SRFBP1: variants seen among roughly 807,000 people sequenced by gnomAD.
The protein encoded by SRFBP1 is serum response factor binding protein 1.
In SRFBP1, 47 loss-of-function variants were observed where a neutral mutation model predicts 45.5. That is an observed-to-expected ratio of 1.03 (90% CI 0.82 to 1.32). The LOEUF (loss-of-function observed/expected upper bound fraction) is 1.32. SRFBP1 is among the 40% of genes most tolerant of loss of function. The pLI is 0.00. For synonymous variants in SRFBP1, 203 were observed against 166.3 expected (o/e 1.22, Z -1.70); for missense variants, 621 against 484.6 (o/e 1.28, Z -2.64).
chr5:121,962,832 T>A (rs1334410657), intron 1 of SRFBP1, among the ~76,000 whole-genome samples: 1 of 152,170 alleles, frequency 6.6e-6, no homozygotes, highest in Non-Finnish European at 1.5e-5. Flanking sequence ...CACAGTTAGA[T>A]ACAGAAAGGA....
chr5:121,976,636 A>G (rs1334892966), intron 3 of SRFBP1, among the ~76,000 whole-genome samples: 4 of 151,528 alleles, frequency 2.6e-5, no homozygotes, highest in African/African-American at 9.7e-5. Context: ...TTTCTTCTGA[A>G]TAGTCATTTT....
At chr5:121,965,547 A>G (rs190405352) in intron 1 of SRFBP1, among the ~76,000 whole-genome samples, 47 of 152,206 alleles carry the variant, frequency 3.1e-4, no homozygotes, top group African/African-American at 1.1e-3. Flanking sequence ...CCATTGGTCT[A>G]TATATCTGTT....
intron 2 of SRFBP1, chr5:122,074,054 A>G: frequency 6.2e-7 from 1 of 1,614,090 alleles, no homozygotes; most frequent in Non-Finnish European, 8.5e-7. Context: ...TGGTAGCCAT[A>G]GTCACAGGAT....
intron 6 of SRFBP1, among the ~76,000 whole-genome samples, 154 bp from the exon 7 acceptor site, chr5:122,022,216 C>T (rs558595525): frequency 6.6e-6 from 1 of 152,210 alleles, no homozygotes; most frequent in South Asian, 2.1e-4. Context: ...ACAGCTACAA[C>T]CTGGGACTTT....
chr5:121,974,774 G>T (rs1461074732), intron 2 of SRFBP1, among the ~76,000 whole-genome samples: 1 of 151,772 alleles, frequency 6.6e-6, no homozygotes, highest in Admixed American at 6.6e-5. Context: ...TGTATTTTCA[G>T]TATCACTAGT....
chr5:121,988,728 G>T lies in SRFBP1; in HGVS notation c.199-5871G>T, dbSNP rs140429148. Among the ~76,000 whole-genome samples the T allele has an allele frequency of 2.0e-3, 312 of 152,304 alleles. 2 individuals carry two copies. The highest frequency in any genetic ancestry group is 0.01 in the Middle Eastern group (3 of 294). ...ATTGTTAACATAAACTCTCTGATCA[G>T]ATTGGTACCTTGTGGCCCACAGACT... On this transcript the variant is annotated intron_variant, in intron 3 of 7. Transcript: ENST00000339397.
intron 4 of SRFBP1, among the ~76,000 whole-genome samples, chr5:122,003,436 A>T (rs1252710055): frequency 6.6e-6 from 1 of 152,204 alleles, no homozygotes; most frequent in Non-Finnish European, 1.5e-5. Flanking sequence ...CGTTGAACAG[A>T]ATAGTGCTAA....
intron 2 of SRFBP1, among the ~76,000 whole-genome samples, chr5:122,049,901 T>C (rs951549365): frequency 2.0e-5 from 3 of 152,212 alleles, no homozygotes; most frequent in Admixed American, 6.5e-5. Context: ...TTTATAGCAC[T>C]AAATGCTCAC....
chr5:122,077,780 C>T (rs1257821615), downstream of SRFBP1: 3 of 1,548,436 alleles, frequency 1.9e-6, no homozygotes, highest in South Asian at 2.4e-5. This position sits in a 1 kb window ranked among gnomAD's most constrained non-coding sequence, Gnocchi z 4.9. Context: ...CGGGTCCCGG[C>T]GGCGCTGAGG....
At chr5:122,062,183 C>A (rs961778011) in intron 2 of SRFBP1, among the ~76,000 whole-genome samples, 1 of 151,886 alleles carries the variant, frequency 6.6e-6, no homozygotes, top group African/African-American at 2.4e-5. Context: ...TGGATTCTTT[C>A]TGAGTATCTT....
At chr5:121,987,242 T>C (rs1389377357) in intron 3 of SRFBP1, among the ~76,000 whole-genome samples, 3 of 152,046 alleles carry the variant, frequency 2.0e-5, no homozygotes, top group South Asian at 2.1e-4. Context: ...AACAGAAGCA[T>C]AGTGAAGGGA....
intron 2 of SRFBP1, among the ~76,000 whole-genome samples, chr5:122,047,052 T>C (rs932855281): frequency 6.6e-6 from 1 of 152,236 alleles, no homozygotes; most frequent in Non-Finnish European, 1.5e-5. Flanking sequence ...TTAGTTTAAT[T>C]AGATCCCATT....
At chr5:122,066,348 C>A in intron 2 of SRFBP1, 1 of 178,314 alleles carries the variant, frequency 5.6e-6, no homozygotes, top group Non-Finnish European at 1.2e-5. Flanking sequence ...TATTATGTTT[C>A]ACTAAAGTTC....
At chr5:122,045,378 C>T (rs908255931) in intron 2 of SRFBP1, among the ~76,000 whole-genome samples, 1 of 152,038 alleles carries the variant, frequency 6.6e-6, no homozygotes, top group Non-Finnish European at 1.5e-5. Flanking sequence ...ATAGATTTTT[C>T]TAATCCTGCC....
intron 2 of SRFBP1, among the ~76,000 whole-genome samples, chr5:122,034,458 T>G (rs1484922645): frequency 6.6e-6 from 1 of 152,142 alleles, no homozygotes; most frequent in Non-Finnish European, 1.5e-5. Context: ...CCCCCATTTT[T>G]TATTTAGAAT....
rs1442593790 is a variant in SRFBP1, at chr5:122,020,675, T to C, written c.940T>C (p.Phe314Leu). Residue 314 changes from phenylalanine (F) to leucine (L), a missense_variant, in exon 6 of 8, where the codon TTT (phenylalanine) becomes CTT (leucine). Phe to Leu is a conservative substitution (Grantham distance 22). Coordinates refer to ENST00000339397, the MANE Select transcript of SRFBP1 (RefSeq NM_152546.3). ...GGAACAAAAACCACTAGAAAAAGTG[T>C]TTCTTAAAGAAGATACAGGTGAAAC... ...VKEQKPLEKV[F>L]LKEDTGETHG... is the part of the protein sequence containing the mutation. 6.2e-7 allele frequency: 1 copy of C among 1,613,874 alleles called. No individual in the cohort carries two copies.
chr5:122,023,328 A>C lies in SRFBP1; in HGVS notation c.1105+921A>C, dbSNP rs1016152545. 5.3e-5 allele frequency among the ~76,000 whole-genome samples: 8 copies of C among 152,320 alleles called. 1 individual carries two copies. Among genetic ancestry groups the C allele is most frequent in the African/African-American group, 1.9e-4 (8 of 41,586 alleles). The stretch of plus-strand genomic sequence containing the variant: ...CCCAAGGCAGCCAACCCAAAGTCAC[A>C]TCCAGTCACTGCATCTAGCTCAAAG... On this transcript the variant is annotated intron_variant, in intron 7 of 7. Transcript: ENST00000339397.
chr5:122,046,483 T>A (rs1413479086), intron 2 of SRFBP1, among the ~76,000 whole-genome samples: 1 of 152,210 alleles, frequency 6.6e-6, no homozygotes, highest in Non-Finnish European at 1.5e-5. Context: ...TCTTTGCTAT[T>A]GTGAACAGTG....
In SRFBP1 at chr5:121,972,303, C is replaced by A. The variant is rs145354759; in HGVS notation, c.37-1893C>A. ...TGGGTCATGGAAGTACATTTGCATT[C>A]ATGGTAGTAGAAAAATGATGGTTCC... On this transcript the variant is annotated intron_variant, in intron 1 of 7. Coordinates refer to ENST00000339397, the MANE Select transcript of SRFBP1 (RefSeq NM_152546.3). Among the ~76,000 whole-genome samples, 310 of 151,976 alleles carry A rather than the reference C, an allele frequency of 2.0e-3. 2 individuals are homozygous for A. Among genetic ancestry groups the A allele is most frequent in the African/African-American group, 7.0e-3 (291 of 41,532 alleles).
Sources: gnomAD v4.1 joint callset for allele counts (sites outside exome capture counted in the v4.1 genomes callset) on GRCh38, gnomAD v4.1.1 for gene constraint, Gnocchi (gnomAD v3.1) non-coding constraint, MANE v1.5 for transcripts, NCBI Gene and HGNC (gene_info 2026-07-23, HGNC 2026-07-21) for gene names.